Variants in VPS39 observed in about 807,000 individuals in gnomAD.
VPS39 encodes the protein VPS39 subunit of HOPS complex, also known as vam6/Vps39-like protein.
In VPS39, 70 loss-of-function variants were observed where a neutral mutation model predicts 121.0. The ratio of observed to expected loss-of-function variants is 0.58; its 90% CI spans 0.48 to 0.71. The LOEUF is 0.71. Ranked by LOEUF, VPS39 falls within the 30% of genes least tolerant of loss-of-function variation. The pLI is 0.00. For missense variants in VPS39, 818 were observed against 1,051.5 expected, an observed-to-expected ratio of 0.78 and a Z score of 3.07; for synonymous variants, 378 against 398.1, an observed-to-expected ratio of 0.95 and a Z score of 0.60.
Position 42,159,728 on chromosome 15 carries a change from T to C in VPS39, c.*1026A>G, listed in dbSNP as rs541092683. ...CAACCACACCATTGCTGAACAAAGC[T>C]GGGGAGTGACGGCCAGGGCAGGCTG... On this transcript the variant is annotated 3_prime_UTR_variant, in exon 25 of 25. Coordinates refer to ENST00000318006, the MANE Select transcript of VPS39 (RefSeq NM_015289.5). The C allele has an allele frequency of 2.8e-3, 434 of 152,422 alleles. 1 individual carries two copies. Among genetic ancestry groups the C allele is most frequent in the Non-Finnish European group, 3.9e-3 (267 of 68,178 alleles). The allele number at this position is 152,422 out of a possible 1,614,324, so 9.4% of individuals were successfully genotyped here.
At chr15:42,171,415 C>A (rs2049345833) in intron 11 of VPS39, among the ~76,000 whole-genome samples, 1 of 152,172 alleles carries the variant, frequency 6.6e-6, no homozygotes, top group African/African-American at 2.4e-5. Context: ...GATACAGCAG[C>A]CTGCACTCAG....
At chr15:42,203,853 C>T (rs547494246) in intron 1 of VPS39, among the ~76,000 whole-genome samples, 2 of 152,168 alleles carry the variant, frequency 1.3e-5, no homozygotes, top group Non-Finnish European at 2.9e-5. Context: ...GGATGACAAG[C>T]CTGCAGAGCA....
chr15:42,175,331 C>A (rs12324373), intron 10 of VPS39, among the ~76,000 whole-genome samples: 2,199 of 151,790 alleles, frequency 0.014, 58 homozygotes, highest in African/African-American at 0.051. Flanking sequence ...TTGCTTGAAC[C>A]CGGGAGGCGG....
At chr15:42,198,690 T>C (rs963981987) in intron 2 of VPS39, among the ~76,000 whole-genome samples, 1 of 152,128 alleles carries the variant, frequency 6.6e-6, no homozygotes, top group Non-Finnish European at 1.5e-5. Flanking sequence ...AATGTACTGC[T>C]CCAGGGCCTA....
At chr15:42,175,203 G>A (rs952185735) in intron 10 of VPS39, among the ~76,000 whole-genome samples, 1 of 151,618 alleles carries the variant, frequency 6.6e-6, no homozygotes, top group Non-Finnish European at 1.5e-5. Flanking sequence ...CATGAGGTCA[G>A]GAAAGACCAT....
rs1482669285 is a variant in VPS39 at position 42,160,728 on chromosome 15, TC to T, written c.*25del. On this transcript the variant is annotated 3_prime_UTR_variant, in exon 25 of 25. Transcript: ENST00000318006. ...CTCTCTGGGAGAGCCAAGCTGTCCA[TC>T]CGCTGGATCCCCAGGATGCTGGGCT... 3.7e-6 allele frequency: 6 copies of T among 1,607,764 alleles called. No homozygotes were observed. Among genetic ancestry groups the T allele is most frequent in the Non-Finnish European group, 5.1e-6 (6 of 1,174,302 alleles).
chr15:42,204,227 G>A (rs1025824072), intron 1 of VPS39, among the ~76,000 whole-genome samples: 4 of 152,194 alleles, frequency 2.6e-5, no homozygotes, highest in Non-Finnish European at 5.9e-5. Flanking sequence ...CTTCTCATCT[G>A]GGCATAAGCC....
intron 19 of VPS39, 89 bp downstream of exon 19, chr15:42,164,269 T>C (rs904369751): frequency 6.4e-6 from 10 of 1,551,598 alleles, no homozygotes; most frequent in Non-Finnish European, 8.7e-6. Flanking sequence ...GCCCAACTTT[T>C]GTGGAGAGTT....
intron 9 of VPS39, 53 bp from the exon 10 acceptor site, chr15:42,178,391 C>T: frequency 6.2e-7 from 1 of 1,613,882 alleles, no homozygotes; most frequent in Non-Finnish European, 8.5e-7. Context: ...TGTGATGACA[C>T]AGGTGACTTT....
chr15:42,160,748 C>A lies in VPS39; in HGVS notation c.*6G>T. 4 of 1,613,704 alleles carry A rather than the reference C, an allele frequency of 2.5e-6. No individual in the cohort carries two copies. The highest frequency in any genetic ancestry group is 3.4e-6 in the Non-Finnish European group (4 of 1,179,594). On this transcript the variant is annotated 3_prime_UTR_variant, in exon 25 of 25. Coordinates refer to ENST00000318006, the MANE Select transcript of VPS39 (RefSeq NM_015289.5). ...GTCCATCCGCTGGATCCCCAGGATG[C>A]TGGGCTCAAGTGTCAGCTGGGTTTA...
chr15:42,187,720 C>G, intron 6 of VPS39, 38 bp downstream of exon 6: 3 of 1,597,008 alleles, frequency 1.9e-6, no homozygotes, highest in Non-Finnish European at 8.6e-7. Flanking sequence ...ACTGCAGCAG[C>G]TCCCACCCAA....
intron 5 of VPS39, among the ~76,000 whole-genome samples, chr15:42,188,390 G>A (rs1166130429): frequency 6.6e-6 from 1 of 152,124 alleles, no homozygotes; most frequent in African/African-American, 2.4e-5. Context: ...ATGATAAATT[G>A]GCAAAAATAA....
intron 8 of VPS39, among the ~76,000 whole-genome samples, chr15:42,181,474 G>T (rs1323997759): frequency 6.6e-6 from 1 of 152,092 alleles, no homozygotes; most frequent in Admixed American, 6.5e-5. Context: ...AAGATCTATT[G>T]TACCACAATG....
In VPS39 at chr15:42,194,251, A is replaced by T. The variant is rs368374384; in HGVS notation, c.140-2691T>A. ...AGGCCGAGAAACCTCCCAGGTGTAG[A>T]TCACCTGAGGTCAGGAGTTAAAGAC... is the stretch of plus-strand genomic sequence containing the variant. On this transcript the variant is annotated intron_variant, in intron 2 of 24. Transcript: ENST00000318006. Among the ~76,000 whole-genome samples the T allele has an allele frequency of 1.1e-4, 17 of 151,994 alleles. No individual in the cohort carries two copies. In the South Asian group the frequency reaches 2.1e-3, roughly 19 times the overall value.
chr15:42,173,589 T>TGAGGGGTGTATGAGGTA, intron 11 of VPS39, 134 bp downstream of exon 11: 1 of 1,185,056 alleles, frequency 8.4e-7, no homozygotes, highest in Non-Finnish European at 1.2e-6. Context: ...CCACAGGATC[T>TGAGGGGTGTATGAGGTA]TGCTAGGTAT....
intron 8 of VPS39, 77 bp from the exon 9 acceptor site, chr15:42,178,647 A>G: frequency 6.3e-7 from 1 of 1,578,306 alleles, no homozygotes; most frequent in Non-Finnish European, 8.7e-7. Context: ...TGCCCATTCT[A>G]AGATACATTT....
intron 4 of VPS39, 149 bp from the exon 5 acceptor site, chr15:42,189,357 A>G (rs2049773180): frequency 1.6e-6 from 1 of 631,470 alleles, no homozygotes; most frequent in Non-Finnish European, 2.9e-6. Context: ...CACTAGGATG[A>G]TTCATTCTCA....
At chr15:42,192,072 T>C in intron 2 of VPS39, 1 of 1,536,418 alleles carries the variant, frequency 6.5e-7, no homozygotes, top group Non-Finnish European at 8.7e-7. Context: ...TTACTGCCGC[T>C]TTCAGGTGAT....
At position 42,184,595 on chromosome 15, in the gene VPS39, G is replaced by A; in HGVS notation, c.640C>T (p.Leu214Phe). 1 of 1,614,138 alleles carries A rather than the reference G, an allele frequency of 6.2e-7. No individual in the cohort carries two copies. Among genetic ancestry groups the A allele is most frequent in the Non-Finnish European group, 8.5e-7 (1 of 1,180,012 alleles). Residue 214 changes from leucine (L) to phenylalanine (F), a missense_variant, in exon 8 of 25, where the codon CTC becomes TTC. Coordinates refer to ENST00000318006, the MANE Select transcript of VPS39 (RefSeq NM_015289.5). Reference protein sequence around the residue: ...DGKVAVGQDDLTVVLNEEGIC... With the variant: ...DGKVAVGQDDFTVVLNEEGIC... ...CCTTCCTCATTGAGTACCACGGTGA[G>A]ATCATCCTGGCCCACAGCCACTTTT...
Sources: gnomAD v4.1 joint callset for allele counts (sites outside exome capture counted in the v4.1 genomes callset) on GRCh38, gnomAD v4.1.1 for gene constraint, MANE v1.5 for transcripts, NCBI Gene and HGNC (gene_info 2026-07-23, HGNC 2026-07-21) for gene names.